Variants in TBX4 observed in about 807,000 individuals in gnomAD.
TBX4 encodes T-box transcription factor 4, also known as T-box transcription factor TBX4.
In TBX4, 13 loss-of-function variants were observed where a neutral mutation model predicts 54.6. The observed-to-expected ratio is 0.24, with a 90% CI of 0.15 to 0.38. The LOEUF (loss-of-function observed/expected upper bound fraction) is 0.38, where lower values mean the gene tolerates loss of function less well. Among genes scored for constraint, TBX4 ranks in the 10% least tolerant of loss-of-function variants. The pLI is 1.00. For synonymous variants in TBX4, 314 were observed against 306.7 expected (o/e 1.02, Z -0.25); for missense variants, 631 against 728.5 (o/e 0.87, Z 1.54).
At chr17:61,454,991 T>C (rs990619863) in intron 1 of TBX4, among the ~76,000 whole-genome samples, 17 of 152,110 alleles carry the variant, frequency 1.1e-4, no homozygotes, top group African/African-American at 3.6e-4. Flanking sequence ...AGCGGCCCTG[T>C]GTGGGGACTC....
chr17:61,475,688 C>T lies in TBX4; in HGVS notation c.550-2939C>T, dbSNP rs116764150. On this transcript the variant is annotated intron_variant, in intron 5 of 8. Transcript: ENST00000644296. This position sits in a 1 kb window ranked among gnomAD's most constrained non-coding sequence, Gnocchi z 5.0. ...TTGACGAGCCCACGACTGCTTGTGACTGCCCAGGTGTCACAGGAGCAGGGT... is the reference window on the plus strand; with the variant it reads ...TTGACGAGCCCACGACTGCTTGTGATTGCCCAGGTGTCACAGGAGCAGGGT... Among the ~76,000 whole-genome samples, 319 of 152,288 alleles carry T rather than the reference C, an allele frequency of 2.1e-3. 1 individual carries two copies. The highest frequency in any genetic ancestry group is 6.8e-3 in the African/African-American group (283 of 41,542).
rs901219955 is a variant in TBX4 at position 61,461,960 on chromosome 17, C to G, written c.282-3859C>G. 6.6e-6 allele frequency among the ~76,000 whole-genome samples: 1 copy of G among 152,032 alleles called. No individual in the cohort carries two copies. The highest frequency in any genetic ancestry group is 1.5e-5 in the Non-Finnish European group (1 of 67,994). ...GTATCCCCTAGTCTCTGTCCCTTTC[C>G]CCAGGAAAGGGGCTGAGAGTAAGCG... On this transcript the variant is annotated intron_variant, in intron 3 of 8. Coordinates refer to ENST00000644296, the MANE Select transcript of TBX4 (RefSeq NM_001321120.2). The surrounding 1 kb of genome is among the most constrained non-coding windows in gnomAD (Gnocchi z 5.1).
In TBX4 at chr17:61,457,006, T is replaced by A. The variant is rs1327069783; in HGVS notation, c.186+330T>A. Reference sequence around the variant, plus strand: ...CAGCTCCAACAACCCGTAGAGGGCCTGGGACCCAACGGCGAGGGGGCAGGA... The same window carrying A: ...CAGCTCCAACAACCCGTAGAGGGCCAGGGACCCAACGGCGAGGGGGCAGGA... On this transcript the variant is annotated intron_variant, in intron 2 of 8. Transcript: ENST00000644296. The surrounding 1 kb of genome is among the most constrained non-coding windows in gnomAD (Gnocchi z 8.2). 6.6e-6 allele frequency among the ~76,000 whole-genome samples: 1 copy of A among 152,128 alleles called. No homozygotes were observed. Among genetic ancestry groups the A allele is most frequent in the Non-Finnish European group, 1.5e-5 (1 of 68,004 alleles).
chr17:61,453,056 A>G (rs1473446489), intron 1 of TBX4: 1 of 893,018 alleles, frequency 1.1e-6, no homozygotes, highest in Non-Finnish European at 1.3e-6. Flanking sequence ...AGCAAGGAAC[A>G]TTATATATAA....
rs1187114920 is a variant in TBX4 at position 61,483,824 on chromosome 17, G to C, written c.*308G>C. Reference sequence around the variant, plus strand: ...GCCCGTGGGTGGGATGGGAGTGGAGGGTTCATATGAGTTATTGAGAGGGTT... The same window carrying C: ...GCCCGTGGGTGGGATGGGAGTGGAGCGTTCATATGAGTTATTGAGAGGGTT... On this transcript the variant is annotated 3_prime_UTR_variant, in exon 9 of 9. Coordinates refer to ENST00000644296, the MANE Select transcript of TBX4 (RefSeq NM_001321120.2). The surrounding 1 kb of genome is among the most constrained non-coding windows in gnomAD (Gnocchi z 6.6). The C allele has an allele frequency of 2.5e-6, 1 of 401,398 alleles. No homozygotes were observed. The highest frequency in any genetic ancestry group is 2.1e-5 in the African/African-American group (1 of 48,630). The allele number at this position is 401,398 out of a possible 1,614,324, so 24.9% of individuals were successfully genotyped here.
chr17:61,468,011 A>G (rs935468940), intron 5 of TBX4, among the ~76,000 whole-genome samples: 3 of 152,254 alleles, frequency 2.0e-5, no homozygotes, highest in Non-Finnish European at 4.4e-5. Flanking sequence ...AATGGCAGCT[A>G]TGATGATAAA....
In TBX4 at chr17:61,474,316, T is replaced by C. The variant is rs1367529023; in HGVS notation, c.550-4311T>C. On this transcript the variant is annotated intron_variant, in intron 5 of 8. Transcript: ENST00000644296. The surrounding 1 kb of genome is among the most constrained non-coding windows in gnomAD (Gnocchi z 4.6). Reference sequence around the variant, plus strand: ...CAGTGTTTAATTGGCACCTTCTCATTAACTCTGAGCTTGTTGAGAGCAGTG... The same window carrying C: ...CAGTGTTTAATTGGCACCTTCTCATCAACTCTGAGCTTGTTGAGAGCAGTG... 6.6e-6 allele frequency among the ~76,000 whole-genome samples: 1 copy of C among 152,198 alleles called. No individual in the cohort carries two copies. The highest frequency in any genetic ancestry group is 1.5e-5 in the Non-Finnish European group (1 of 68,036).
intron 3 of TBX4, among the ~76,000 whole-genome samples, chr17:61,458,644 C>G (rs1020520453): frequency 2.6e-5 from 4 of 151,980 alleles, no homozygotes; most frequent in Non-Finnish European, 4.4e-5. Context: ...CAACCTCAGA[C>G]AAGGTGCTTA....
chr17:61,482,812 G>A, intron 8 of TBX4, 85 bp from the exon 9 acceptor site: 1 of 1,584,932 alleles, frequency 6.3e-7, no homozygotes, highest in Non-Finnish European at 8.5e-7. Flanking sequence ...GAGGGACAAG[G>A]ACAGGCTGTC....
At chr17:61,482,144 A>C (rs915916541) in intron 8 of TBX4, among the ~76,000 whole-genome samples, 3 of 152,170 alleles carry the variant, frequency 2.0e-5, no homozygotes, top group Non-Finnish European at 4.4e-5. Context: ...ATCCCAGGGG[A>C]GGTCATGCCA....
chr17:61,478,329 G>A lies in TBX4; in HGVS notation c.550-298G>A. 1 of 460,284 alleles carries A rather than the reference G, an allele frequency of 2.2e-6. No homozygotes were observed. Among genetic ancestry groups the A allele is most frequent in the Non-Finnish European group, 4.0e-6 (1 of 249,362 alleles). The allele number at this position is 460,284 out of a possible 1,614,324, so 28.5% of individuals were successfully genotyped here. Reference sequence around the variant, plus strand: ...GCTGAGTTCACAGTGGGCTTTGACAGTGTTAAGGGCTGACTCAAGTTCTCC... The same window carrying A: ...GCTGAGTTCACAGTGGGCTTTGACAATGTTAAGGGCTGACTCAAGTTCTCC... On this transcript the variant is annotated intron_variant, in intron 5 of 8. Coordinates refer to ENST00000644296, the MANE Select transcript of TBX4 (RefSeq NM_001321120.2). The surrounding 1 kb of genome is among the most constrained non-coding windows in gnomAD (Gnocchi z 7.4).
At position 61,479,813 on chromosome 17, in the gene TBX4, A is replaced by G; in HGVS notation, c.703-68A>G. Reference sequence around the variant, plus strand: ...GAGGTTACATGTTATGATCCCATTTACAAATGTGGAAACTGAGACACATTT... The same window carrying G: ...GAGGTTACATGTTATGATCCCATTTGCAAATGTGGAAACTGAGACACATTT... On this transcript the variant is annotated intron_variant, in intron 6 of 8. Transcript: ENST00000644296. The surrounding 1 kb of genome is among the most constrained non-coding windows in gnomAD (Gnocchi z 6.1). 5 of 1,491,708 alleles carry G rather than the reference A, an allele frequency of 3.4e-6. No individual in the cohort carries two copies. Among genetic ancestry groups the G allele is most frequent in the Non-Finnish European group, 4.7e-6 (5 of 1,068,422 alleles). The allele number at this position is 1,491,708 out of a possible 1,614,324, so 92.4% of individuals were successfully genotyped here.
chr17:61,482,159 A>C lies in TBX4; in HGVS notation c.1022-738A>C, dbSNP rs372738790. On this transcript the variant is annotated intron_variant, in intron 8 of 8. Transcript: ENST00000644296. ...ATCCCAGGGGAGGTCATGCCACTCCAGATACTTAGGCCCTCCTTGTGGAGG... is the reference window on the plus strand; with the variant it reads ...ATCCCAGGGGAGGTCATGCCACTCCCGATACTTAGGCCCTCCTTGTGGAGG... Among the ~76,000 whole-genome samples, 6 of 152,194 alleles carry C rather than the reference A, an allele frequency of 3.9e-5. No homozygotes were observed. The South Asian group carries it at 8.3e-4, about 21-fold the overall frequency.
chr17:61,458,999 C>G (rs1348202980), intron 3 of TBX4, among the ~76,000 whole-genome samples: 1 of 152,246 alleles, frequency 6.6e-6, no homozygotes, highest in African/African-American at 2.4e-5. Flanking sequence ...GGTCTGGGCA[C>G]TTGGCCACCC....
Position 61,478,564 on chromosome 17 carries a change from G to A in TBX4, c.550-63G>A, listed in dbSNP as rs889740362. 3 of 1,609,180 alleles carry A rather than the reference G, an allele frequency of 1.9e-6. No individual in the cohort carries two copies. Among genetic ancestry groups the A allele is most frequent in the African/African-American group, 1.3e-5 (1 of 74,812 alleles). ...AACCAGGCCAGGGCCAGAAGAATGA[G>A]GTCAAGGGCCTGGGGCTTGCGGATG... On this transcript the variant is annotated intron_variant, in intron 5 of 8. Coordinates refer to ENST00000644296, the MANE Select transcript of TBX4 (RefSeq NM_001321120.2). The surrounding 1 kb of genome is among the most constrained non-coding windows in gnomAD (Gnocchi z 7.4).
At chr17:61,471,537 T>C (rs2060577843) in intron 5 of TBX4, among the ~76,000 whole-genome samples, 1 of 146,438 alleles carries the variant, frequency 6.8e-6, no homozygotes, top group Non-Finnish European at 1.5e-5. Context: ...CCAATTTCTT[T>C]TCAGCATTTT....
Position 61,457,029 on chromosome 17 carries a change from G to T in TBX4, c.186+353G>T. Among the ~76,000 whole-genome samples, 1 of 152,232 alleles carries T rather than the reference G, an allele frequency of 6.6e-6. No homozygotes were observed. The highest frequency in any genetic ancestry group is 1.5e-5 in the Non-Finnish European group (1 of 68,040). ...CCTGGGACCCAACGGCGAGGGGGCA[G>T]GAGGAGGCCACCCCGCCGGTGCGCA... is the stretch of plus-strand genomic sequence containing the variant. On this transcript the variant is annotated intron_variant, in intron 2 of 8. Coordinates refer to ENST00000644296, the MANE Select transcript of TBX4 (RefSeq NM_001321120.2). The surrounding 1 kb of genome is among the most constrained non-coding windows in gnomAD (Gnocchi z 8.2).
rs777722460 is a variant in TBX4 at position 61,459,378 on chromosome 17, C to T, written c.281+1747C>T. ...AATGGATAATCCACTTGATCAAGTGCGAAGGGGAATGGGGCTATTTCTTGT... is the reference window on the plus strand; with the variant it reads ...AATGGATAATCCACTTGATCAAGTGTGAAGGGGAATGGGGCTATTTCTTGT... On this transcript the variant is annotated intron_variant, in intron 3 of 8. Transcript: ENST00000644296. This position sits in a 1 kb window ranked among gnomAD's most constrained non-coding sequence, Gnocchi z 4.8. Among the ~76,000 whole-genome samples the T allele has an allele frequency of 1.3e-5, 2 of 152,064 alleles. No homozygotes were observed. Among genetic ancestry groups the T allele is most frequent in the Non-Finnish European group, 2.9e-5 (2 of 68,030 alleles).
Position 61,483,086 on chromosome 17 carries a change from G to T in TBX4, c.1211G>T (p.Gly404Val). ...TCAGGTTCAGGGCCCGAGATTGCCG[G>T]GGTGTCTGGGGTGGACGACCTGCCC... ...MYSGSGPEIAGVSGVDDLPPP... is the reference protein window; with the variant it reads ...MYSGSGPEIAVVSGVDDLPPP... The change falls in exon 9 of 9, where the codon GGG (glycine) becomes GTG (valine). Residue 404 changes from glycine to valine, a missense_variant. Around this residue, in one of 3 missense-constraint regions of TBX4, gnomAD observed 354 missense variants for 368.9 expected, o/e 0.96. Transcript: ENST00000644296. This position sits in a 1 kb window ranked among gnomAD's most constrained non-coding sequence, Gnocchi z 6.6. 6.2e-7 allele frequency: 1 copy of T among 1,614,112 alleles called. No homozygotes were observed. The highest frequency in any genetic ancestry group is 8.5e-7 in the Non-Finnish European group (1 of 1,180,030).
Sources: allele counts gnomAD v4.1 joint callset (sites outside exome capture counted in the v4.1 genomes callset), GRCh38; gene constraint gnomAD v4.1.1; regional missense constraint gnomAD v4.1.1; non-coding constraint Gnocchi (gnomAD v3.1); transcripts MANE v1.5; gene names NCBI Gene and HGNC (gene_info 2026-07-23, HGNC 2026-07-21).